ANLN: variants seen among roughly 807,000 people sequenced by gnomAD.
The protein encoded by ANLN is anillin, actin binding protein, also known as anillin.
Under a neutral mutation model 135.1 loss-of-function variants are expected in ANLN, and 59 were observed. The observed-to-expected ratio is 0.44, with a 90% CI of 0.35 to 0.54. The LOEUF (loss-of-function observed/expected upper bound fraction) is 0.54, where lower values mean the gene tolerates loss of function less well. Ranked by LOEUF, ANLN falls within the 20% of genes least tolerant of loss-of-function variation. ANLN has a pLI of 0.00. For synonymous variants in ANLN, 406 were observed against 456.4 expected, an observed-to-expected ratio of 0.89 and a Z score of 1.41; for missense variants, 1,182 against 1,340.0, an observed-to-expected ratio of 0.88 and a Z score of 1.84.
chr7:36,438,869 A>C (rs1788653707), intron 20 of ANLN, among the ~76,000 whole-genome samples: 1 of 152,126 alleles, frequency 6.6e-6, no homozygotes, highest in African/African-American at 2.4e-5. Flanking sequence ...GTGTGGTGTG[A>C]ATTTACAGGT....
chr7:36,447,417 C>CTTTTTT (rs978030270), intron 22 of ANLN, among the ~76,000 whole-genome samples: 8 of 105,866 alleles, frequency 7.6e-5, no homozygotes, highest in East Asian at 2.9e-4. Context: ...AGCAGTTGAT[C>CTTTTTT]TTTTTTTTTT....
At chr7:36,415,909 G>GTTA in intron 8 of ANLN, 25 bp downstream of exon 8, 3 of 1,537,956 alleles carry the variant, frequency 2.0e-6, no homozygotes, top group Non-Finnish European at 2.6e-6. Flanking sequence ...ATTGTTCATG[G>GTTA]TTAGTATGTA....
chr7:36,432,844 A>G (rs10265169), intron 20 of ANLN, among the ~76,000 whole-genome samples: 19,371 of 152,160 alleles, frequency 0.13, 1,270 homozygotes, highest in East Asian at 0.2. Context: ...ATTAAAGTCT[A>G]TTTTGAAATA....
chr7:36,407,692 A>G, intron 4 of ANLN, 42 bp from the exon 5 acceptor site: 1 of 1,401,544 alleles, frequency 7.1e-7, no homozygotes, highest in Non-Finnish European at 1.0e-6. Context: ...CTATTTTTAG[A>G]TATTGTGAAT....
chr7:36,412,058 TA>T (rs1303024540), intron 7 of ANLN, among the ~76,000 whole-genome samples: 1 of 152,050 alleles, frequency 6.6e-6, no homozygotes, highest in Non-Finnish European at 1.5e-5. Context: ...CCTTGTCATC[TA>T]AAACAATCTG....
At chr7:36,415,267 C>T (rs1787591987) in intron 7 of ANLN, among the ~76,000 whole-genome samples, 2 of 152,084 alleles carry the variant, frequency 1.3e-5, no homozygotes, top group African/African-American at 4.8e-5. Context: ...TTGCTCTTAC[C>T]CTCCGGGTAA....
At chr7:36,396,096 T>C (rs1479482836) in intron 1 of ANLN, among the ~76,000 whole-genome samples, 170 bp from the exon 2 acceptor site, 1 of 152,228 alleles carries the variant, frequency 6.6e-6, no homozygotes, top group South Asian at 2.1e-4. Flanking sequence ...GTAATAGTTA[T>C]GACATTGGGG....
At chr7:36,427,436 C>T (rs1487101042) in intron 20 of ANLN, among the ~76,000 whole-genome samples, 1 of 151,900 alleles carries the variant, frequency 6.6e-6, no homozygotes, top group Non-Finnish European at 1.5e-5. Flanking sequence ...GTGCATGGCT[C>T]ACTGAAGCCT....
chr7:36,418,263 A>G (rs1384133738), intron 9 of ANLN, among the ~76,000 whole-genome samples: 2 of 152,130 alleles, frequency 1.3e-5, no homozygotes, highest in African/African-American at 4.8e-5. Flanking sequence ...CCCCCAGGGT[A>G]TGAGGCTGGA....
At chr7:36,411,363 T>C (rs529292208) in intron 7 of ANLN, among the ~76,000 whole-genome samples, 197 bp downstream of exon 7, 23 of 152,382 alleles carry the variant, frequency 1.5e-4, no homozygotes, top group African/African-American at 5.3e-4. Context: ...AGTGGAACTC[T>C]TCACCATATT....
Position 36,425,293 on chromosome 7 carries a change from C to CTA in ANLN, c.2710-408_2710-407insAT, listed in dbSNP as rs1788035129. 4.0e-5 allele frequency among the ~76,000 whole-genome samples: 5 copies of CTA among 123,608 alleles called. No individual in the cohort carries two copies. The South Asian group carries it at 1.3e-3, about 32-fold the overall frequency. The allele number at this position is 123,608 out of a possible 152,430, so 81.1% of individuals were successfully genotyped here. A position where few individuals can be genotyped will look rare whatever the true frequency, so the allele number is the denominator to read the frequency against. Reference sequence around the variant, plus strand: ...ATGTATTCATATTTAAGAACTCATTCTTTTTTTTTTTTTTTTTTTGAGACG... The same window carrying CTA: ...ATGTATTCATATTTAAGAACTCATTCTATTTTTTTTTTTTTTTTTTTGAGACG... On this transcript the variant is annotated intron_variant, in intron 17 of 23. Transcript: ENST00000265748.
chr7:36,405,182 C>T (rs936716925), intron 3 of ANLN, among the ~76,000 whole-genome samples: 1 of 152,246 alleles, frequency 6.6e-6, no homozygotes, highest in Non-Finnish European at 1.5e-5. Flanking sequence ...GAGTAACATG[C>T]TGTACAGGTT....
rs778900368 is a variant in ANLN at position 36,424,686 on chromosome 7, G to T, written c.2653G>T (p.Val885Leu). 9 of 1,611,900 alleles carry T rather than the reference G, an allele frequency of 5.6e-6. No individual in the cohort carries two copies. In the Admixed American group the frequency reaches 6.7e-5, roughly 12 times the overall value. Residue 885 changes from valine to leucine, a missense_variant and splice_region_variant, in exon 17 of 24, where the codon GTG becomes TTG. This residue lies in a region of ANLN where 1,022 missense variants were observed against 1,134.0 expected (regional missense o/e 0.90). Coordinates refer to ENST00000265748, the MANE Select transcript of ANLN (RefSeq NM_018685.5). ...FEINIEVYSL[V>L]QKKDPSGLDK... is the part of the protein sequence containing the mutation. ...AATTATGCTTTGGGTTTGTGCGTAG[G>T]TGCAAAAGAAAGATCCCTCAGGCCT... is the stretch of plus-strand genomic sequence containing the variant.
intron 12 of ANLN, 43 bp downstream of exon 12, chr7:36,420,787 C>G (rs748986503): frequency 1.2e-6 from 2 of 1,603,480 alleles, no homozygotes; most frequent in Non-Finnish European, 1.7e-6. Context: ...GTTTCTTGCA[C>G]TAGGCTGTGA....
In ANLN at chr7:36,453,582, T is replaced by C. The variant is rs1789329291; in HGVS notation, c.*982T>C. ...CGCCTTTTTTTAAAATTATAAAATA[T>C]TGTAAAGCAGGGTCTCAACTTTTAA... On this transcript the variant is annotated 3_prime_UTR_variant, in exon 24 of 24. Transcript: ENST00000265748. The C allele has an allele frequency of 6.6e-6, 1 of 152,276 alleles. No individual in the cohort carries two copies. Among genetic ancestry groups the C allele is most frequent in the South Asian group, 2.1e-4 (1 of 4,836 alleles). 9.4% of individuals were successfully genotyped at this position (152,276 alleles called of 1,614,324 possible). A position where few individuals can be genotyped will look rare whatever the true frequency, so the allele number is the denominator to read the frequency against.
chr7:36,430,228 C>T (rs372782177), intron 20 of ANLN, among the ~76,000 whole-genome samples: 7 of 152,284 alleles, frequency 4.6e-5, no homozygotes, highest in South Asian at 2.1e-4. Context: ...GTCAGTACAA[C>T]GCAGTCTTGG....
Position 36,443,851 on chromosome 7 carries a change from G to A in ANLN, c.3067G>A (p.Glu1023Lys). 1 of 1,605,746 alleles carries A rather than the reference G, an allele frequency of 6.2e-7. No individual in the cohort carries two copies. The highest frequency in any genetic ancestry group is 8.5e-7 in the Non-Finnish European group (1 of 1,174,594). Residue 1023 changes from glutamate to lysine, a missense_variant, in exon 22 of 24, where the codon GAG (glutamate) becomes AAG (lysine). Transcript: ENST00000265748. The stretch of plus-strand genomic sequence containing the variant: ...ATCTTATTGGACTTATCCAGATGAT[G>A]AGAAACGCAAGGTAATTTATATAGT... The part of the protein sequence containing the change: ...CISYWTYPDD[E>K]KRKNPIGRIN...
intron 3 of ANLN, among the ~76,000 whole-genome samples, chr7:36,403,162 A>G (rs548597579): frequency 6.6e-6 from 1 of 152,242 alleles, no homozygotes; most frequent in Admixed American, 6.5e-5. Context: ...CAAAGAGTGA[A>G]GGCCTGTGGA....
At chr7:36,405,568 C>T (rs111504708) in intron 3 of ANLN, among the ~76,000 whole-genome samples, 2,042 of 152,292 alleles carry the variant, frequency 0.013, 15 homozygotes, top group Non-Finnish European at 0.023. Context: ...CTAGAATCTT[C>T]GTCAGTTAAA....
Sources: allele counts gnomAD v4.1 joint callset (sites outside exome capture counted in the v4.1 genomes callset), GRCh38; gene constraint gnomAD v4.1.1; regional missense constraint gnomAD v4.1.1; transcripts MANE v1.5; gene names NCBI Gene and HGNC (gene_info 2026-07-23, HGNC 2026-07-21).